The following KYNU variants were observed in gnomAD, a reference collection of about 807,000 sequenced individuals.
KYNU encodes L-kynurenine hydrolase.
Under a neutral mutation model 59.2 loss-of-function variants are expected in KYNU, and 54 were observed. The observed-to-expected ratio is 0.91, with a 90% confidence interval of 0.73 to 1.14. The LOEUF (loss-of-function observed/expected upper bound fraction) is 1.14. Among genes scored for constraint, KYNU ranks in the 50% most tolerant of loss-of-function variants. The pLI, the probability that KYNU is intolerant of heterozygous loss-of-function variation, is 0.00. For synonymous variants in KYNU, 177 were observed against 192.0 expected, an observed-to-expected ratio of 0.92 and a Z score of 0.65; for missense variants, 567 against 554.4, an observed-to-expected ratio of 1.02 and a Z score of -0.23.
Position 142,968,583 on chromosome 2 carries a change from G to A in KYNU, c.729+7813G>A, listed in dbSNP as rs148696157. On this transcript the variant is annotated intron_variant, in intron 8 of 13. Coordinates refer to ENST00000264170, the MANE Select transcript of KYNU (RefSeq NM_003937.3). ...AGATTGGAATGAAATACAGGTGGAC[G>A]AAAAGAGGCAATTGCAGTATCTTTG... 1.6e-4 allele frequency among the ~76,000 whole-genome samples: 24 copies of A among 152,200 alleles called. No homozygotes were observed. The East Asian group carries it at 2.9e-3, about 18-fold the overall frequency.
chr2:142,936,785 G>A (rs1027467264), intron 4 of KYNU, among the ~76,000 whole-genome samples: 10 of 152,216 alleles, frequency 6.6e-5, no homozygotes, highest in African/African-American at 1.9e-4. Context: ...GTGACTGGAG[G>A]CTGAGGAGTT....
intron 10 of KYNU, among the ~76,000 whole-genome samples, chr2:143,024,781 C>T (rs1686506342): frequency 6.6e-6 from 1 of 152,004 alleles, no homozygotes; most frequent in South Asian, 2.1e-4. Flanking sequence ...AATGTAGATT[C>T]AAATCATTTT....
intron 10 of KYNU, among the ~76,000 whole-genome samples, chr2:142,991,212 G>A (rs139422789): frequency 2.0e-4 from 31 of 151,998 alleles, no homozygotes; most frequent in African/African-American, 7.5e-4. Flanking sequence ...CCAGGCAACA[G>A]TTGAGAATGC....
intron 4 of KYNU, among the ~76,000 whole-genome samples, chr2:142,935,723 G>A (rs973157329): frequency 6.6e-6 from 1 of 152,120 alleles, no homozygotes; most frequent in African/African-American, 2.4e-5. Flanking sequence ...AGTAAGGGTG[G>A]GTCATAGGCT....
intron 10 of KYNU, among the ~76,000 whole-genome samples, chr2:143,003,708 A>G (rs1356691768): frequency 1.3e-5 from 2 of 152,138 alleles, no homozygotes; most frequent in Admixed American, 6.5e-5. Context: ...ACCAGATGAT[A>G]TGGGTTAGGT....
intron 6 of KYNU, 103 bp downstream of exon 6, chr2:142,956,377 T>C: frequency 1.4e-6 from 1 of 701,166 alleles, no homozygotes. Flanking sequence ...TTCCAAGCAA[T>C]CTTACAATAA....
chr2:142,987,664 A>G (rs1262628984), intron 10 of KYNU, among the ~76,000 whole-genome samples: 1 of 151,764 alleles, frequency 6.6e-6, no homozygotes, highest in African/African-American at 2.4e-5. Context: ...ACCAGCCCCT[A>G]CTCATAAGCA....
At chr2:142,955,197 G>T (rs1684122267) in intron 5 of KYNU, among the ~76,000 whole-genome samples, 2 of 151,944 alleles carry the variant, frequency 1.3e-5, no homozygotes, top group South Asian at 4.1e-4. Flanking sequence ...GACCTTTTTG[G>T]AAAGACAATT....
chr2:143,053,257 G>T lies in KYNU; in HGVS notation c.*11085G>T, dbSNP rs1687296666. ...AGGTGGAAGGGCGATGTTTCTTTCT[G>T]GAGGCTCCAGGGAGAACTCTGTTTT... On this transcript the variant is annotated 3_prime_UTR_variant, in exon 14 of 14. Coordinates refer to ENST00000264170, the MANE Select transcript of KYNU (RefSeq NM_003937.3). The T allele has an allele frequency of 6.6e-6, 1 of 152,152 alleles. No individual in the cohort carries two copies. The highest frequency in any genetic ancestry group is 2.4e-5 in the African/African-American group (1 of 41,420). The allele number at this position is 152,152 out of a possible 1,614,324, so 9.4% of individuals were successfully genotyped here.
rs567299764 is a variant in KYNU at position 143,035,069 on chromosome 2, C to G, written c.1041+1748C>G. On this transcript the variant is annotated intron_variant, in intron 12 of 13. Coordinates refer to ENST00000264170, the MANE Select transcript of KYNU (RefSeq NM_003937.3). ...TCCTACCACACTGTATTAGAGTCAC[C>G]TAGACAAAGTTTTTATTTTCAGTTA... 3.9e-4 allele frequency among the ~76,000 whole-genome samples: 59 copies of G among 152,282 alleles called. 1 individual carries two copies. Among genetic ancestry groups the G allele is most frequent in the South Asian group, 6.2e-4 (3 of 4,826 alleles).
intron 4 of KYNU, among the ~76,000 whole-genome samples, chr2:142,949,119 T>G (rs1683899707): frequency 6.6e-6 from 1 of 152,206 alleles, no homozygotes; most frequent in Non-Finnish European, 1.5e-5. Flanking sequence ...TGGGTCATGC[T>G]ATGCAAGAGG....
intron 2 of KYNU, among the ~76,000 whole-genome samples, chr2:142,910,761 T>C (rs542319462): frequency 1.3e-5 from 2 of 152,308 alleles, no homozygotes; most frequent in East Asian, 1.9e-4. Flanking sequence ...TGGTGAAAGG[T>C]AGGGGTCCAG....
Position 143,054,274 on chromosome 2 carries a change from C to CT in KYNU, c.*12109dup, listed in dbSNP as rs141744752. 5 of 151,948 alleles carry CT rather than the reference C, an allele frequency of 3.3e-5. No homozygotes were observed. Among genetic ancestry groups the CT allele is most frequent in the Non-Finnish European group, 5.9e-5 (4 of 67,978 alleles). The allele number at this position is 151,948 out of a possible 1,614,324, so 9.4% of individuals were successfully genotyped here. On this transcript the variant is annotated 3_prime_UTR_variant, in exon 14 of 14. Coordinates refer to ENST00000264170, the MANE Select transcript of KYNU (RefSeq NM_003937.3). The stretch of plus-strand genomic sequence containing the variant: ...CAAGTTTCACTTTATCTTTCTATTA[C>CT]TTTTTTTACATAATAGAGCTATAAA...
intron 10 of KYNU, among the ~76,000 whole-genome samples, chr2:142,996,290 A>G (rs1285977220): frequency 6.6e-6 from 1 of 152,178 alleles, no homozygotes; most frequent in African/African-American, 2.4e-5. Context: ...AGCTTGGAAC[A>G]ATCAAAAGGA....
chr2:143,033,591 T>C (rs1026087797), intron 12 of KYNU, among the ~76,000 whole-genome samples: 2 of 152,242 alleles, frequency 1.3e-5, no homozygotes, highest in Non-Finnish European at 2.9e-5. Context: ...ATACGTTTTT[T>C]ACTCCACTTA....
chr2:142,912,371 CTTTT>C (rs60854220), intron 2 of KYNU, among the ~76,000 whole-genome samples: 2 of 89,516 alleles, frequency 2.2e-5, no homozygotes, highest in East Asian at 3.3e-4. Context: ...TTTTGTATTT[CTTTT>C]TTTTTTTTTT....
At chr2:142,978,216 G>A (rs1684945180) in intron 8 of KYNU, among the ~76,000 whole-genome samples, 1 of 151,966 alleles carries the variant, frequency 6.6e-6, no homozygotes, top group South Asian at 2.1e-4. Flanking sequence ...AAGATGACCA[G>A]CATGTGTGCA....
intron 4 of KYNU, among the ~76,000 whole-genome samples, chr2:142,934,871 A>G (rs1481216040): frequency 6.6e-6 from 1 of 152,160 alleles, no homozygotes; most frequent in Admixed American, 6.5e-5. Context: ...CAAAGGGGGC[A>G]TGGCCTGGTG....
intron 10 of KYNU, among the ~76,000 whole-genome samples, chr2:143,024,029 G>A (rs1445372516): frequency 6.6e-6 from 1 of 151,474 alleles, no homozygotes; most frequent in Non-Finnish European, 1.5e-5. Context: ...TTGAATAAAA[G>A]GATGAGCAAA....
Sources: allele counts gnomAD v4.1 joint callset (sites outside exome capture counted in the v4.1 genomes callset), GRCh38; gene constraint gnomAD v4.1.1; transcripts MANE v1.5; gene names NCBI Gene and HGNC (gene_info 2026-07-23, HGNC 2026-07-21).